MITF: variants seen among roughly 807,000 people sequenced by gnomAD.
The protein encoded by MITF is microphthalmia-associated transcription factor.
MITF carries 17 observed loss-of-function variants against 60.5 expected under a neutral mutation model. The ratio of observed to expected loss-of-function variants is 0.28; its 90% CI spans 0.19 to 0.42. MITF has a LOEUF of 0.42. Among genes scored for constraint, MITF ranks in the 10% least tolerant of loss-of-function variants. The pLI, the probability that MITF is intolerant of heterozygous loss-of-function variation, is 1.00. For synonymous variants in MITF, 260 were observed against 248.5 expected (o/e 1.05, Z -0.43); for missense variants, 622 against 683.5 (o/e 0.91, Z 1.00).
intron 2 of MITF, among the ~76,000 whole-genome samples, chr3:69,924,461 A>G (rs2065540139): frequency 6.6e-6 from 1 of 152,224 alleles, no homozygotes; most frequent in Non-Finnish European, 1.5e-5. Flanking sequence ...GGACATAAAT[A>G]CATAAAAATA....
At chr3:69,880,094 T>C (rs927601155) in intron 2 of MITF, among the ~76,000 whole-genome samples, 7 of 152,230 alleles carry the variant, frequency 4.6e-5, no homozygotes, top group Non-Finnish European at 8.8e-5. Flanking sequence ...AGTTCTTAAA[T>C]ATGACTGATT....
At position 69,761,029 on chromosome 3, in the gene MITF, A is replaced by G. The variant is rs117885319; in HGVS notation, c.104+21328A>G. Among the ~76,000 whole-genome samples the G allele has an allele frequency of 4.2e-4, 64 of 152,356 alleles. No homozygotes were observed. In the East Asian group the frequency reaches 0.011, roughly 26 times the overall value. On this transcript the variant is annotated intron_variant, in intron 1 of 9. Transcript: ENST00000352241. ...TCACACAATTTAGTGACAACAGAGC[A>G]CAAAGAACAATAATAATAACAGTAG... is the stretch of plus-strand genomic sequence containing the variant.
At chr3:69,746,739 C>T (rs1478407769) in intron 1 of MITF, among the ~76,000 whole-genome samples, 1 of 152,136 alleles carries the variant, frequency 6.6e-6, no homozygotes, top group Non-Finnish European at 1.5e-5. Flanking sequence ...GTCTAGTGAA[C>T]ATTGTGTACT....
rs560338347 is a variant in MITF at position 69,889,157 on chromosome 3, T to G, written c.354+9774T>G. Among the ~76,000 whole-genome samples the G allele has an allele frequency of 6.6e-5, 10 of 151,026 alleles. No individual in the cohort carries two copies. The South Asian group carries it at 1.9e-3, about 29-fold the overall frequency. ...TGACTTCAGCCTCTTACCCTTAGTATCCAAGCACTGTAGTGCATTATAGTT... is the reference window on the plus strand; with the variant it reads ...TGACTTCAGCCTCTTACCCTTAGTAGCCAAGCACTGTAGTGCATTATAGTT... On this transcript the variant is annotated intron_variant, in intron 2 of 9. Transcript: ENST00000352241.
intron 5 of MITF, among the ~76,000 whole-genome samples, chr3:69,948,717 A>G (rs1352766047): frequency 6.6e-6 from 1 of 152,018 alleles, no homozygotes; most frequent in Non-Finnish European, 1.5e-5. Flanking sequence ...CTGAACACCC[A>G]CTGTTTGCTA....
intron 1 of MITF, among the ~76,000 whole-genome samples, chr3:69,811,975 G>A (rs1284172808): frequency 6.6e-6 from 1 of 152,064 alleles, no homozygotes; most frequent in East Asian, 1.9e-4. Flanking sequence ...TCTGTCCTTG[G>A]GCAACTGAAA....
chr3:69,954,868 ATTAT>A (rs1466123125), intron 7 of MITF, among the ~76,000 whole-genome samples: 1 of 152,214 alleles, frequency 6.6e-6, no homozygotes. Flanking sequence ...AGGGAATCAC[ATTAT>A]TTATCTAGGT....
At chr3:69,816,057 T>A (rs139479959) in intron 1 of MITF, among the ~76,000 whole-genome samples, 96 of 152,330 alleles carry the variant, frequency 6.3e-4, no homozygotes, top group African/African-American at 2.2e-3. Flanking sequence ...CAGCCCTTGA[T>A]GAGCTCTGAA....
At chr3:69,964,811 G>A (rs767334263) in intron 9 of MITF, 36 bp from the exon 10 acceptor site, 2 of 1,607,060 alleles carry the variant, frequency 1.2e-6, no homozygotes, top group Admixed American at 3.3e-5. Context: ...TCTGTGCTCT[G>A]CCTATTTCAG....
intron 1 of MITF, among the ~76,000 whole-genome samples, chr3:69,853,913 T>A (rs557480496): frequency 3.3e-5 from 5 of 150,222 alleles, no homozygotes; most frequent in African/African-American, 1.2e-4. Context: ...CAGGCTGGAG[T>A]GCAGTGGTGT....
chr3:69,964,434 A>G (rs1030367020), intron 9 of MITF, among the ~76,000 whole-genome samples: 7 of 102,746 alleles, frequency 6.8e-5, no homozygotes, highest in Non-Finnish European at 1.2e-4. Context: ...TACAGAGCTC[A>G]TTAATTTAAA....
In MITF at chr3:69,742,276, C is replaced by G. The variant is rs186441749; in HGVS notation, c.104+2575C>G. Among the ~76,000 whole-genome samples, 520 of 152,246 alleles carry G rather than the reference C, an allele frequency of 3.4e-3. 2 individuals carry two copies. The highest frequency in any genetic ancestry group is 6.1e-3 in the Non-Finnish European group (417 of 68,024). On this transcript the variant is annotated intron_variant, in intron 1 of 9. Coordinates refer to ENST00000352241, the MANE Select transcript of MITF (RefSeq NM_001354604.2). ...CAGTGGAAGGGATCATTACCCATATCTAGTAGGTGGAGGCCAGAGATGCTG... is the reference window on the plus strand; with the variant it reads ...CAGTGGAAGGGATCATTACCCATATGTAGTAGGTGGAGGCCAGAGATGCTG...
intron 1 of MITF, among the ~76,000 whole-genome samples, chr3:69,862,909 T>G (rs1291755751): frequency 6.6e-6 from 1 of 152,144 alleles, no homozygotes; most frequent in African/African-American, 2.4e-5. Context: ...CTGATATTAT[T>G]TTTTCCTCCC....
At chr3:69,820,713 A>G (rs1341182538) in intron 1 of MITF, among the ~76,000 whole-genome samples, 1 of 152,160 alleles carries the variant, frequency 6.6e-6, no homozygotes, top group Non-Finnish European at 1.5e-5. Flanking sequence ...CAGGCCTTGC[A>G]GTCTGTTGTA....
intron 2 of MITF, among the ~76,000 whole-genome samples, chr3:69,889,350 T>TA (rs1287571252): frequency 1.3e-5 from 2 of 151,902 alleles, no homozygotes; most frequent in African/African-American, 4.8e-5. Context: ...TCCTCATCTA[T>TA]AAAATGGAGG....
chr3:69,940,118 A>G (rs752502982), intron 4 of MITF, among the ~76,000 whole-genome samples: 6 of 152,224 alleles, frequency 3.9e-5, no homozygotes, highest in Non-Finnish European at 5.9e-5. Flanking sequence ...CTGAAATCAT[A>G]CAAGAATCCA....
At chr3:69,870,136 G>A (rs1351517648) in intron 1 of MITF, among the ~76,000 whole-genome samples, 1 of 144,744 alleles carries the variant, frequency 6.9e-6, no homozygotes, top group African/African-American at 2.5e-5. Context: ...GTAGTCAGTT[G>A]TATTTGAATT....
At chr3:69,881,522 A>G (rs1275495445) in intron 2 of MITF, among the ~76,000 whole-genome samples, 1 of 152,122 alleles carries the variant, frequency 6.6e-6, no homozygotes, top group African/African-American at 2.4e-5. Flanking sequence ...AGAATATCAT[A>G]TAAGTGATTG....
chr3:69,883,664 G>A (rs768457872), intron 2 of MITF, among the ~76,000 whole-genome samples: 26 of 152,146 alleles, frequency 1.7e-4, no homozygotes, highest in Non-Finnish European at 2.9e-4. Flanking sequence ...CAGGAATACA[G>A]ACCCTAAATA....
Sources: allele counts gnomAD v4.1 joint callset (sites outside exome capture counted in the v4.1 genomes callset), GRCh38; gene constraint gnomAD v4.1.1; transcripts MANE v1.5; gene names NCBI Gene and HGNC (gene_info 2026-07-23, HGNC 2026-07-21).